CLVS1: variants seen among roughly 807,000 people sequenced by gnomAD.
CLVS1 encodes the protein clavesin 1, also known as clavesin-1.
A neutral mutation model predicts 33.1 loss-of-function variants in CLVS1; 10 were observed. The ratio of observed to expected loss-of-function variants is 0.30; its 90% CI spans 0.19 to 0.51. CLVS1 has a LOEUF of 0.51. Ranked by LOEUF, CLVS1 falls within the 20% of genes least tolerant of loss-of-function variation. The pLI, the probability that CLVS1 is intolerant of heterozygous loss-of-function variation, is 0.97. For synonymous variants in CLVS1, 163 were observed against 166.1 expected (o/e 0.98, Z 0.14); for missense variants, 343 against 433.4 (o/e 0.79, Z 1.85).
At chr8:61,123,440 A>G (rs1471010260) in intron 1 of CLVS1, among the ~76,000 whole-genome samples, 1 of 152,216 alleles carries the variant, frequency 6.6e-6, no homozygotes, top group Non-Finnish European at 1.5e-5. Context: ...AAGAAGTTAT[A>G]AATACGTTTG....
chr8:61,342,626 GA>G (rs1440404398), intron 2 of CLVS1, among the ~76,000 whole-genome samples: 2 of 152,270 alleles, frequency 1.3e-5, no homozygotes, highest in African/African-American at 4.8e-5. Context: ...AACCTTTGGC[GA>G]AAAACATGAG....
the CLVS1 span, among the ~76,000 whole-genome samples, chr8:60,980,693 G>C: frequency 2.3e-4 from 35 of 152,200 alleles, no homozygotes; most frequent in Non-Finnish European, 3.8e-4. Context: ...GCTGAGGCAT[G>C]AGAAATTGCT....
At chr8:61,246,880 T>C (rs1269429180) in intron 2 of CLVS1, among the ~76,000 whole-genome samples, 3 of 152,288 alleles carry the variant, frequency 2.0e-5, no homozygotes, top group Non-Finnish European at 4.4e-5. Context: ...CATGGGGGTT[T>C]GTTGTACATA....
At chr8:61,119,687 G>A (rs200641630) in intron 1 of CLVS1, among the ~76,000 whole-genome samples, 6,650 of 140,744 alleles carry the variant, frequency 0.047, 290 homozygotes, top group East Asian at 0.24. Flanking sequence ...CTTTAAGAAT[G>A]TTGAATATTG....
chr8:61,005,240 C>T, the CLVS1 span, among the ~76,000 whole-genome samples: 7 of 152,212 alleles, frequency 4.6e-5, no homozygotes, highest in African/African-American at 1.2e-4. Context: ...GTTTCATCTC[C>T]GAACTCCTGT....
At chr8:61,110,087 T>A (rs1805599199) in intron 1 of CLVS1, among the ~76,000 whole-genome samples, 1 of 152,214 alleles carries the variant, frequency 6.6e-6, no homozygotes, top group Admixed American at 6.5e-5. Flanking sequence ...CGTTGGCTGC[T>A]AATGGTGCAC....
chr8:61,398,804 T>G (rs1814637024), intron 3 of CLVS1, among the ~76,000 whole-genome samples: 1 of 152,186 alleles, frequency 6.6e-6, no homozygotes, highest in Non-Finnish European at 1.5e-5. Context: ...ATGTGGTATA[T>G]GGTTTTCTGT....
At chr8:61,449,124 A>G (rs1816863696) in intron 3 of CLVS1, among the ~76,000 whole-genome samples, 1 of 151,982 alleles carries the variant, frequency 6.6e-6, no homozygotes, top group African/African-American at 2.4e-5. Context: ...CATGTTCCTC[A>G]CTCAGCCTCT....
At position 61,499,390 on chromosome 8, in the gene CLVS1, A is replaced by AAAG. The variant is rs200319736; in HGVS notation, c.978-64_978-62dup. 1.3e-3 allele frequency: 1,526 copies of AAAG among 1,179,328 alleles called. 22 individuals carry two copies. In the African/African-American group the frequency reaches 0.02, roughly 16 times the overall value. 73.1% of individuals were successfully genotyped at this position (1,179,328 alleles called of 1,614,324 possible). On this transcript the variant is annotated intron_variant, in intron 5 of 5. Coordinates refer to ENST00000325897, the MANE Select transcript of CLVS1 (RefSeq NM_173519.3). ...AGAAATATAAAATCCGGATGTCTTC[A>AAAG]AAGGTTCCAAAATTGTCACCATGAA...
At chr8:61,251,394 C>A (rs544687936) in intron 2 of CLVS1, among the ~76,000 whole-genome samples, 1 of 151,760 alleles carries the variant, frequency 6.6e-6, no homozygotes, top group East Asian at 1.9e-4. Context: ...GGTGTCTCTG[C>A]CAGGCTTTGG....
intron 1 of CLVS1, among the ~76,000 whole-genome samples, chr8:61,288,522 C>T (rs1228203804): frequency 6.6e-6 from 1 of 152,152 alleles, no homozygotes; most frequent in Admixed American, 6.5e-5. Context: ...TTCAGGTGAA[C>T]AAACCCCTGA....
the CLVS1 span, among the ~76,000 whole-genome samples, chr8:61,004,568 G>A: frequency 6.6e-6 from 1 of 152,178 alleles, no homozygotes; most frequent in Non-Finnish European, 1.5e-5. Flanking sequence ...GCACAAGAGA[G>A]AGCTGGAAAG....
intron 2 of CLVS1, among the ~76,000 whole-genome samples, chr8:61,315,721 C>T (rs1405343341): frequency 6.6e-6 from 1 of 152,040 alleles, no homozygotes; most frequent in African/African-American, 2.4e-5. Flanking sequence ...CACCCCTTAA[C>T]CTGGTTTATT....
intron 1 of CLVS1, among the ~76,000 whole-genome samples, chr8:61,101,949 C>T (rs765104962): frequency 3.9e-5 from 6 of 151,968 alleles, no homozygotes; most frequent in Admixed American, 6.6e-5. Flanking sequence ...CGATATATTT[C>T]GTTGATCAAT....
chr8:61,492,772 T>C (rs529392755), intron 5 of CLVS1, among the ~76,000 whole-genome samples: 1 of 152,342 alleles, frequency 6.6e-6, no homozygotes, highest in East Asian at 1.9e-4. Flanking sequence ...GGTTTACTTA[T>C]TATTTTGTTT....
intron 5 of CLVS1, among the ~76,000 whole-genome samples, chr8:61,479,811 C>G (rs945201923): frequency 5.3e-5 from 8 of 151,914 alleles, no homozygotes; most frequent in South Asian, 2.1e-4. Flanking sequence ...AGTCAGGACC[C>G]TCAGCTGCAG....
intron 1 of CLVS1, among the ~76,000 whole-genome samples, chr8:61,086,034 T>C (rs1805119257): frequency 1.9e-5 from 1 of 52,178 alleles, no homozygotes; most frequent in African/African-American, 8.5e-5. Context: ...AGACTCCCTC[T>C]CAAAAAAAAA....
chr8:61,085,743 A>AAG (rs1805108583), intron 1 of CLVS1, among the ~76,000 whole-genome samples: 1 of 149,878 alleles, frequency 6.7e-6, no homozygotes, highest in African/African-American at 2.5e-5. Flanking sequence ...AAAAAAAAAA[A>AAG]GGGCACAGTG....
At chr8:61,084,379 G>A (rs761548997) in intron 1 of CLVS1, among the ~76,000 whole-genome samples, 12 of 152,146 alleles carry the variant, frequency 7.9e-5, no homozygotes, top group Admixed American at 3.3e-4. Context: ...CTCAACCAGG[G>A]GTGATTTTGC....
Sources: allele counts gnomAD v4.1 joint callset (sites outside exome capture counted in the v4.1 genomes callset), GRCh38; gene constraint gnomAD v4.1.1; transcripts MANE v1.5; gene names NCBI Gene and HGNC (gene_info 2026-07-23, HGNC 2026-07-21).